ZNF804B: variants seen among roughly 807,000 people sequenced by gnomAD.
ZNF804B encodes the protein zinc finger protein 804B, also known as zinc finger 804B.
ZNF804B carries 80 observed loss-of-function variants against 101.4 expected under a neutral mutation model. That is an observed-to-expected ratio of 0.79 (90% CI 0.66 to 0.95). The LOEUF is 0.95. Ranked by LOEUF, ZNF804B falls within the 40% of genes least tolerant of loss-of-function variation. The pLI is 0.00. For missense variants in ZNF804B, 1,673 were observed against 1,561.9 expected (o/e 1.07, Z -1.20); for synonymous variants, 622 against 558.8 (o/e 1.11, Z -1.59).
chr7:88,804,021 G>A (rs1790647563), intron 1 of ZNF804B, among the ~76,000 whole-genome samples: 1 of 152,094 alleles, frequency 6.6e-6, no homozygotes, highest in African/African-American at 2.4e-5. Flanking sequence ...TTAAAAGTTG[G>A]TGGTTGAGGT....
intron 1 of ZNF804B, among the ~76,000 whole-genome samples, chr7:89,089,849 A>C (rs1358008592): frequency 6.6e-6 from 1 of 152,218 alleles, no homozygotes; most frequent in African/African-American, 2.4e-5. Context: ...TATACTCAAT[A>C]ATTCTCAGCT....
chr7:88,959,590 AC>A (rs1793361472), intron 1 of ZNF804B, among the ~76,000 whole-genome samples: 1 of 151,362 alleles, frequency 6.6e-6, no homozygotes, highest in African/African-American at 2.4e-5. Flanking sequence ...TTCCTCTGAT[AC>A]CTGGTTTCTG....
At chr7:89,058,786 C>T (rs1183361868) in intron 1 of ZNF804B, among the ~76,000 whole-genome samples, 1 of 152,254 alleles carries the variant, frequency 6.6e-6, no homozygotes, top group South Asian at 2.1e-4. Flanking sequence ...CTTGACCTCC[C>T]AGGCTCAGGT....
intron 1 of ZNF804B, among the ~76,000 whole-genome samples, chr7:88,767,723 A>C (rs1790005747): frequency 1.3e-5 from 2 of 152,224 alleles, no homozygotes; most frequent in South Asian, 4.1e-4. Flanking sequence ...TAGGTGCATG[A>C]TCCAGCCTTC....
At chr7:89,185,488 AG>A in intron 1 of ZNF804B, among the ~76,000 whole-genome samples, 1 of 101,776 alleles carries the variant, frequency 9.8e-6, no homozygotes, top group East Asian at 2.4e-4. Context: ...TTTATAAAAC[AG>A]TTAGTCCAGT....
chr7:89,309,759 CAAAAAAAAAAAAAAAAAAAAAAAAA>C (rs397791531), intron 2 of ZNF804B, among the ~76,000 whole-genome samples: 6 of 70,818 alleles, frequency 8.5e-5, no homozygotes, highest in African/African-American at 1.3e-4. Context: ...GACCCTGTCT[CAAAAAAAAAAAAAAAAAAAAAAAAA>C]AAAAAAAAAA....
At chr7:88,920,378 T>C (rs972269683) in intron 1 of ZNF804B, among the ~76,000 whole-genome samples, 1 of 152,086 alleles carries the variant, frequency 6.6e-6, no homozygotes, top group Admixed American at 6.6e-5. Flanking sequence ...TGGATATCCT[T>C]ATGAGTAAAA....
In ZNF804B at chr7:89,158,625, A is replaced by G. The variant is rs189685624; in HGVS notation, c.109-59530A>G. Reference sequence around the variant, plus strand: ...TCTTCTTCATCTTGCTTAAATACCTAGTTTTTCTCGATGAATTATAGTTTA... The same window carrying G: ...TCTTCTTCATCTTGCTTAAATACCTGGTTTTTCTCGATGAATTATAGTTTA... On this transcript the variant is annotated intron_variant, in intron 1 of 3. Coordinates refer to ENST00000333190, the MANE Select transcript of ZNF804B (RefSeq NM_181646.5). Among the ~76,000 whole-genome samples the G allele has an allele frequency of 2.8e-3, 427 of 152,108 alleles. 1 individual carries two copies. The highest frequency in any genetic ancestry group is 9.8e-3 in the African/African-American group (407 of 41,514).
intron 1 of ZNF804B, among the ~76,000 whole-genome samples, chr7:88,859,911 T>G (rs1791622753): frequency 6.6e-6 from 1 of 151,884 alleles, no homozygotes; most frequent in African/African-American, 2.4e-5. Context: ...AATTTCCTTA[T>G]GTACTTCAAA....
intron 2 of ZNF804B, among the ~76,000 whole-genome samples, chr7:89,232,021 T>C (rs1272528499): frequency 6.6e-6 from 1 of 152,142 alleles, no homozygotes; most frequent in Non-Finnish European, 1.5e-5. Context: ...GATAATTCTT[T>C]TGACATTGAG....
At chr7:89,110,864 TTTTTCA>T (rs1790205044) in intron 1 of ZNF804B, among the ~76,000 whole-genome samples, 1 of 152,150 alleles carries the variant, frequency 6.6e-6, no homozygotes, top group Non-Finnish European at 1.5e-5. Context: ...TCTACTATTT[TTTTTCA>T]TTCATCTCTC....
intron 2 of ZNF804B, among the ~76,000 whole-genome samples, chr7:89,265,310 A>ACACATGCACGCG (rs1409754167): frequency 3.0e-4 from 34 of 113,544 alleles, no homozygotes; most frequent in African/African-American, 1.1e-3. Flanking sequence ...GCGCGCGCGC[A>ACACATGCACGCG]CACATGCACG....
intron 2 of ZNF804B, among the ~76,000 whole-genome samples, chr7:89,324,661 T>G (rs1018605869): frequency 1.1e-4 from 17 of 151,006 alleles, no homozygotes; most frequent in African/African-American, 4.1e-4. Context: ...AATGATTTTC[T>G]TTTATCTCCT....
At chr7:88,931,038 C>A (rs1269341652) in intron 1 of ZNF804B, among the ~76,000 whole-genome samples, 3 of 151,830 alleles carry the variant, frequency 2.0e-5, no homozygotes, top group Non-Finnish European at 2.9e-5. Flanking sequence ...GTAGTTTCTG[C>A]ACACCTGTCT....
intron 1 of ZNF804B, among the ~76,000 whole-genome samples, chr7:89,017,737 T>G (rs1038042476): frequency 3.8e-4 from 58 of 152,328 alleles, no homozygotes; most frequent in African/African-American, 1.3e-3. Context: ...ATTGATCACC[T>G]TCTTGGTTAA....
intron 1 of ZNF804B, among the ~76,000 whole-genome samples, chr7:88,996,350 G>T (rs981211250): frequency 4.6e-5 from 7 of 152,020 alleles, no homozygotes; most frequent in Non-Finnish European, 8.8e-5. Flanking sequence ...TCTTTCAGAA[G>T]AACGTTGCAT....
intron 1 of ZNF804B, among the ~76,000 whole-genome samples, chr7:89,183,244 T>C (rs1232197447): frequency 1.3e-5 from 2 of 152,040 alleles, no homozygotes; most frequent in East Asian, 3.9e-4. Flanking sequence ...ACATAAGCTA[T>C]GTATGGGAGC....
intron 1 of ZNF804B, among the ~76,000 whole-genome samples, chr7:88,820,956 G>A (rs1453297207): frequency 6.6e-6 from 1 of 152,108 alleles, no homozygotes; most frequent in Non-Finnish European, 1.5e-5. Context: ...GGCTTGGCTG[G>A]TGCTGCTACA....
intron 2 of ZNF804B, among the ~76,000 whole-genome samples, chr7:89,295,353 C>T (rs536709263): frequency 1.3e-5 from 2 of 152,266 alleles, no homozygotes; most frequent in East Asian, 3.9e-4. Flanking sequence ...AGTGACTCAC[C>T]TTTCAGATTG....
Sources: allele counts gnomAD v4.1 joint callset (sites outside exome capture counted in the v4.1 genomes callset), GRCh38; gene constraint gnomAD v4.1.1; transcripts MANE v1.5; gene names NCBI Gene and HGNC (gene_info 2026-07-23, HGNC 2026-07-21).